Variants in FAM107B observed in about 807,000 individuals in gnomAD.
FAM107B encodes the protein protein FAM107B.
FAM107B carries 21 observed loss-of-function variants against 31.5 expected under a neutral mutation model. The observed-to-expected ratio is 0.67, with a 90% CI of 0.47 to 0.96. FAM107B has a LOEUF of 0.96. Ranked by LOEUF, FAM107B falls within the 40% of genes least tolerant of loss-of-function variation. The pLI is 0.00. For missense variants in FAM107B, 452 were observed against 377.1 expected, an observed-to-expected ratio of 1.20 and a Z score of -1.64; for synonymous variants, 157 against 141.5, an observed-to-expected ratio of 1.11 and a Z score of -0.78.
At chr10:14,635,879 G>A (rs1325420319) in intron 2 of FAM107B, among the ~76,000 whole-genome samples, 2 of 151,862 alleles carry the variant, frequency 1.3e-5, no homozygotes, top group East Asian at 1.9e-4. Flanking sequence ...TGATCTGCCC[G>A]CCTCGGCCTC....
intron 2 of FAM107B, among the ~76,000 whole-genome samples, chr10:14,542,328 C>A (rs1428558743): frequency 1.3e-5 from 2 of 151,034 alleles, no homozygotes; most frequent in Non-Finnish European, 3.0e-5. Flanking sequence ...GTTTAGAGTA[C>A]CCAAATGAAG....
chr10:14,700,847 A>AGG (rs1855382039), intron 1 of FAM107B, among the ~76,000 whole-genome samples: 1 of 150,778 alleles, frequency 6.6e-6, no homozygotes, highest in Non-Finnish European at 1.5e-5. Flanking sequence ...AAAAAAAAAA[A>AGG]AAAAACGCAC....
intron 2 of FAM107B, among the ~76,000 whole-genome samples, chr10:14,636,042 C>T (rs546277426): frequency 6.6e-6 from 1 of 152,284 alleles, no homozygotes; most frequent in East Asian, 1.9e-4. Context: ...CATGACTTGT[C>T]TTATTGCTTC....
chr10:14,545,032 C>CT (rs903497883), intron 2 of FAM107B, among the ~76,000 whole-genome samples: 3 of 152,158 alleles, frequency 2.0e-5, no homozygotes, highest in Non-Finnish European at 2.9e-5. Context: ...GAGTCAGTCT[C>CT]TGGGGGGTGG....
chr10:14,720,243 A>G (rs561536854), intron 1 of FAM107B, among the ~76,000 whole-genome samples: 1 of 152,164 alleles, frequency 6.6e-6, no homozygotes, highest in East Asian at 1.9e-4. Context: ...AAAAAGACAT[A>G]TGTTTTTTGG....
rs556133530 is a variant in FAM107B at position 14,758,369 on chromosome 10, C to T, written c.411+15884G>A. Among the ~76,000 whole-genome samples the T allele has an allele frequency of 1.1e-3, 161 of 152,286 alleles. 1 individual carries two copies. The Middle Eastern group carries it at 0.02, about 19-fold the overall frequency. On this transcript the variant is annotated intron_variant, in intron 1 of 4. Coordinates refer to ENST00000181796, the MANE Select transcript of FAM107B (RefSeq NM_031453.4). ...ATACTGCCAGCCAGTTCTCAGAGCC[C>T]GGCTTTCACAAATCCTCGGTCTCCA...
chr10:14,567,824 G>C (rs1446635600), intron 2 of FAM107B, among the ~76,000 whole-genome samples: 1 of 152,186 alleles, frequency 6.6e-6, no homozygotes, highest in African/African-American at 2.4e-5. Context: ...CTCAGAAGCG[G>C]TTCCTGGTAT....
intron 2 of FAM107B, among the ~76,000 whole-genome samples, chr10:14,640,112 G>A (rs1363200053): frequency 4.6e-5 from 7 of 152,126 alleles, no homozygotes; most frequent in African/African-American, 1.7e-4. Context: ...CTATGAGCTG[G>A]GCATTGTTAT....
At chr10:14,658,411 C>T (rs1290446570) in intron 2 of FAM107B, among the ~76,000 whole-genome samples, 2 of 152,212 alleles carry the variant, frequency 1.3e-5, no homozygotes, top group Non-Finnish European at 1.5e-5. Context: ...CCATGTCTGA[C>T]CCATGTCTGA....
intron 2 of FAM107B, among the ~76,000 whole-genome samples, chr10:14,647,247 C>G (rs1853779621): frequency 6.6e-6 from 1 of 152,154 alleles, no homozygotes; most frequent in Non-Finnish European, 1.5e-5. Context: ...AAGGTACAGA[C>G]AAGAAGAATT....
At chr10:14,667,386 GT>G (rs1388564992) in intron 2 of FAM107B, among the ~76,000 whole-genome samples, 2 of 152,176 alleles carry the variant, frequency 1.3e-5, no homozygotes, top group African/African-American at 4.8e-5. Context: ...CTTTGCAAGT[GT>G]TTGTTCATCA....
At chr10:14,559,013 C>A (rs1849965480) in intron 2 of FAM107B, among the ~76,000 whole-genome samples, 1 of 151,480 alleles carries the variant, frequency 6.6e-6, no homozygotes, top group South Asian at 2.1e-4. Flanking sequence ...AACCAACTGG[C>A]CTAAGCTGAC....
chr10:14,648,024 A>G, intron 2 of FAM107B, among the ~76,000 whole-genome samples: 1 of 152,108 alleles, frequency 6.6e-6, no homozygotes, highest in East Asian at 1.9e-4. Flanking sequence ...GCGATATAAA[A>G]CATTTTCTTA....
intron 2 of FAM107B, among the ~76,000 whole-genome samples, chr10:14,622,056 G>A (rs1853024897): frequency 6.6e-6 from 1 of 152,182 alleles, no homozygotes; most frequent in Non-Finnish European, 1.5e-5. Flanking sequence ...TCTCCATGGA[G>A]TAACATTCCT....
At chr10:14,659,106 G>A (rs1854152028) in intron 2 of FAM107B, among the ~76,000 whole-genome samples, 1 of 152,150 alleles carries the variant, frequency 6.6e-6, no homozygotes, top group South Asian at 2.1e-4. Flanking sequence ...ACTATCCCCA[G>A]TAGCATTTTC....
At chr10:14,559,338 A>G (rs1349167873) in intron 2 of FAM107B, among the ~76,000 whole-genome samples, 1 of 152,172 alleles carries the variant, frequency 6.6e-6, no homozygotes, top group African/African-American at 2.4e-5. Flanking sequence ...AGCCTTCATG[A>G]GCCCAGCTTT....
At chr10:14,723,385 C>G (rs1203726712) in intron 1 of FAM107B, 1 of 549,768 alleles carries the variant, frequency 1.8e-6, no homozygotes, top group Non-Finnish European at 3.6e-6. Context: ...GAAATTCCTC[C>G]TTGGTCACAG....
chr10:14,659,962 C>T (rs1005603097), intron 2 of FAM107B, among the ~76,000 whole-genome samples: 1 of 152,036 alleles, frequency 6.6e-6, no homozygotes, highest in Admixed American at 6.5e-5. Flanking sequence ...GTTTGGGGTT[C>T]GTTACTTCAC....
chr10:14,734,066 C>T (rs1425254204), intron 1 of FAM107B, among the ~76,000 whole-genome samples: 1 of 151,964 alleles, frequency 6.6e-6, no homozygotes, highest in Non-Finnish European at 1.5e-5. Flanking sequence ...TAGATTTGTT[C>T]AAGCTTGCAC....
Sources: allele counts gnomAD v4.1 joint callset (sites outside exome capture counted in the v4.1 genomes callset), GRCh38; gene constraint gnomAD v4.1.1; transcripts MANE v1.5; gene names NCBI Gene and HGNC (gene_info 2026-07-23, HGNC 2026-07-21).